Variants in PTPRB observed in about 807,000 individuals in gnomAD.
PTPRB encodes the protein receptor-type tyrosine-protein phosphatase beta.
PTPRB carries 97 observed loss-of-function variants against 238.1 expected under a neutral mutation model. The ratio of observed to expected loss-of-function variants is 0.41; its 90% CI spans 0.35 to 0.48. The LOEUF is 0.48. Among genes scored for constraint, PTPRB ranks in the 20% least tolerant of loss-of-function variants. PTPRB has a pLI of 0.30. For synonymous variants in PTPRB, 970 were observed against 995.4 expected (o/e 0.97, Z 0.48); for missense variants, 2,292 against 2,681.9 (o/e 0.85, Z 3.21).
rs182669216 is a variant in PTPRB at position 70,539,463 on chromosome 12, T to G, written c.5778+162A>C. On this transcript the variant is annotated intron_variant, in intron 26 of 33. Transcript: ENST00000334414. ...TGGCCTCTAAGATTAGATGGTATATTCTATTCAGGGCATAGTTTAGGCATA... is the reference window on the plus strand; with the variant it reads ...TGGCCTCTAAGATTAGATGGTATATGCTATTCAGGGCATAGTTTAGGCATA... The G allele has an allele frequency of 9.4e-4, 592 of 631,476 alleles. 1 individual carries two copies. The highest frequency in any genetic ancestry group is 1.4e-3 in the Non-Finnish European group (488 of 361,346). 39.1% of individuals were successfully genotyped at this position (631,476 alleles called of 1,614,324 possible).
intron 2 of PTPRB, among the ~76,000 whole-genome samples, chr12:70,633,962 G>A (rs374303573): frequency 6.6e-6 from 1 of 152,030 alleles, no homozygotes; most frequent in Admixed American, 6.6e-5. Context: ...TATTATTTAG[G>A]AGAGGCCTTG....
At chr12:70,611,876 G>T (rs750177814) in intron 3 of PTPRB, among the ~76,000 whole-genome samples, 8 of 152,220 alleles carry the variant, frequency 5.3e-5, no homozygotes, top group Non-Finnish European at 5.9e-5. Context: ...TTCACAGCCT[G>T]GCATACCTGT....
chr12:70,539,329 C>T, intron 26 of PTPRB: 1 of 536,374 alleles, frequency 1.9e-6, no homozygotes, highest in Non-Finnish European at 3.3e-6. Flanking sequence ...AAGCAAATGG[C>T]CAGGCTGAAT....
In PTPRB at chr12:70,635,767, C is replaced by G. The variant is rs1046162807; in HGVS notation, c.355G>C (p.Val119Leu). The change falls in exon 2 of 34, where the codon GTG (valine) becomes CTG (leucine). Residue 119 changes from valine (V) to leucine (L), a missense_variant. Val to Leu is a conservative substitution (Grantham distance 32). Around this residue, in one of 4 missense-constraint regions of PTPRB, gnomAD observed 1,205 missense variants for 1,287.8 expected, o/e 0.94. Coordinates refer to ENST00000334414, the MANE Select transcript of PTPRB (RefSeq NM_001109754.4). ...AGGTATTTCCTGGCCTTCTTGACCA[C>G]TACTCTGGAGCCTTGTTTCTGGAGA... ...LFLQKQGSRV[V>L]VKKARKYLHS... is the part of the protein sequence containing the mutation. 2.5e-6 allele frequency: 4 copies of G among 1,613,932 alleles called. No homozygotes were observed. The highest frequency in any genetic ancestry group is 3.4e-6 in the Non-Finnish European group (4 of 1,179,864).
chr12:70,562,701 A>T, intron 16 of PTPRB, 143 bp downstream of exon 16: 1 of 1,042,276 alleles, frequency 9.6e-7, no homozygotes, highest in South Asian at 1.7e-5. Context: ...GGTGCGATTT[A>T]GGGTCAAACA....
At position 70,555,936 on chromosome 12, in the gene PTPRB, T is replaced by G. The variant is rs1877602699; in HGVS notation, c.4927A>C (p.Ile1643Leu). 1.9e-6 allele frequency: 3 copies of G among 1,613,946 alleles called. No homozygotes were observed. Among genetic ancestry groups the G allele is most frequent in the Non-Finnish European group, 2.5e-6 (3 of 1,179,898 alleles). ...GTCATGCCGGCCGACTGCACTTTGA[T>G]GGACACCAGGTACCTCTTATGGGGC... ...LVPHKRYLVSIKVQSAGMTSE... is the reference protein window; with the variant it reads ...LVPHKRYLVSLKVQSAGMTSE... Residue 1643 changes from isoleucine (I) to leucine (L), a missense_variant, in exon 19 of 34, where the codon ATC becomes CTC. Around this residue, in one of 4 missense-constraint regions of PTPRB, gnomAD observed 683 missense variants for 862.0 expected, o/e 0.79. Transcript: ENST00000334414.
At position 70,598,564 on chromosome 12, in the gene PTPRB, G is replaced by A. The variant is rs180921851; in HGVS notation, c.980-2237C>T. ...ATAATAATAATACTTATATTCCAAG[G>A]CAGTTTTGAAAAGTAACAAGATATA... On this transcript the variant is annotated intron_variant, in intron 4 of 33. Coordinates refer to ENST00000334414, the MANE Select transcript of PTPRB (RefSeq NM_001109754.4). Among the ~76,000 whole-genome samples the A allele has an allele frequency of 3.3e-5, 5 of 152,114 alleles. No homozygotes were observed. The East Asian group carries it at 9.7e-4, about 29-fold the overall frequency.
At chr12:70,580,517 A>G (rs1361671550) in intron 10 of PTPRB, among the ~76,000 whole-genome samples, 1 of 152,196 alleles carries the variant, frequency 6.6e-6, no homozygotes, top group Non-Finnish European at 1.5e-5. Context: ...TTACATGTTC[A>G]TTGGAGATGT....
At chr12:70,523,581 A>T (rs1437798311) in intron 33 of PTPRB, among the ~76,000 whole-genome samples, 5 of 152,096 alleles carry the variant, frequency 3.3e-5, no homozygotes, top group African/African-American at 4.8e-5. Flanking sequence ...TGGAAAAGAA[A>T]GGTTAAGCAG....
chr12:70,590,455 G>C (rs969957869), intron 7 of PTPRB, among the ~76,000 whole-genome samples: 4 of 152,130 alleles, frequency 2.6e-5, no homozygotes, highest in African/African-American at 9.7e-5. Context: ...TATCAGTAAT[G>C]TAATCTTCTG....
chr12:70,521,482 T>C lies in PTPRB; in HGVS notation c.*7A>G. 1 of 1,541,252 alleles carries C rather than the reference T, an allele frequency of 6.5e-7. No homozygotes were observed. Among genetic ancestry groups the C allele is most frequent in the Middle Eastern group, 1.7e-4 (1 of 5,896 alleles). ...AATTTTTATCCAGGAGCTCTTCAGG[T>C]ACATTCTCAATGCCTTGAATAGACT... is the stretch of plus-strand genomic sequence containing the variant. On this transcript the variant is annotated 3_prime_UTR_variant, in exon 34 of 34. Coordinates refer to ENST00000334414, the MANE Select transcript of PTPRB (RefSeq NM_001109754.4).
At chr12:70,575,831 T>C (rs1268002311) in intron 11 of PTPRB, among the ~76,000 whole-genome samples, 1 of 152,168 alleles carries the variant, frequency 6.6e-6, no homozygotes, top group Non-Finnish European at 1.5e-5. Context: ...TGCTCCCTAG[T>C]CCCAGAACCA....
chr12:70,637,230 C>T (rs1592619551), intron 1 of PTPRB, 111 bp downstream of exon 1: 2 of 913,900 alleles, frequency 2.2e-6, no homozygotes, highest in East Asian at 2.7e-5. Context: ...TTTGGCTAAA[C>T]TGCCATGGAG....
chr12:70,584,447 T>C (rs1881684626), intron 9 of PTPRB, among the ~76,000 whole-genome samples: 1 of 151,594 alleles, frequency 6.6e-6, no homozygotes, highest in Non-Finnish European at 1.5e-5. Context: ...AAAAGAAATA[T>C]ATCTACACCT....
rs1297712220 is a variant in PTPRB at position 70,516,469 on chromosome 12, G to C, written c.*5020C>G. The C allele has an allele frequency of 1.3e-5, 2 of 152,318 alleles. No individual in the cohort carries two copies. The highest frequency in any genetic ancestry group is 3.9e-4 in the East Asian group (2 of 5,182). 9.4% of individuals were successfully genotyped at this position (152,318 alleles called of 1,614,324 possible). ...ACCCTCTTGTCAGTGTGGCAGACTAGGACATTCCACAAAGGCTGGTACAGG... is the reference window on the plus strand; with the variant it reads ...ACCCTCTTGTCAGTGTGGCAGACTACGACATTCCACAAAGGCTGGTACAGG... On this transcript the variant is annotated 3_prime_UTR_variant, in exon 34 of 34. Transcript: ENST00000334414.
At chr12:70,626,401 GCCTA>G (rs1167962348) in intron 2 of PTPRB, among the ~76,000 whole-genome samples, 11 of 145,820 alleles carry the variant, frequency 7.5e-5, no homozygotes, top group Non-Finnish European at 8.9e-5. Flanking sequence ...CTGCCTGCCT[GCCTA>G]CCTACCTACC....
At chr12:70,585,929 G>T (rs1245188084) in intron 9 of PTPRB, among the ~76,000 whole-genome samples, 1 of 152,032 alleles carries the variant, frequency 6.6e-6, no homozygotes, top group East Asian at 1.9e-4. Flanking sequence ...AGTTTGCTCA[G>T]AATGATGGTT....
chr12:70,554,860 G>C (rs1436197764), intron 20 of PTPRB, among the ~76,000 whole-genome samples: 2 of 152,168 alleles, frequency 1.3e-5, no homozygotes, highest in African/African-American at 4.8e-5. Flanking sequence ...ACTTCCAATA[G>C]TGCACAGCAC....
chr12:70,624,465 A>T (rs1015197980), intron 2 of PTPRB, among the ~76,000 whole-genome samples: 2 of 152,130 alleles, frequency 1.3e-5, no homozygotes, highest in Admixed American at 6.6e-5. Context: ...GATCAGATTT[A>T]TTCGTCCTTG....
Sources: allele counts gnomAD v4.1 joint callset (sites outside exome capture counted in the v4.1 genomes callset), GRCh38; gene constraint gnomAD v4.1.1; regional missense constraint gnomAD v4.1.1; transcripts MANE v1.5; gene names NCBI Gene and HGNC (gene_info 2026-07-23, HGNC 2026-07-21).